CACNA1B: variants seen among roughly 807,000 people sequenced by gnomAD.
CACNA1B encodes voltage-dependent N-type calcium channel subunit alpha-1B.
In CACNA1B, 70 loss-of-function variants were observed where a neutral mutation model predicts 247.2. The ratio of observed to expected loss-of-function variants is 0.28; its 90% CI spans 0.23 to 0.35. The LOEUF (loss-of-function observed/expected upper bound fraction) is 0.35. Ranked by LOEUF, CACNA1B falls within the 10% of genes least tolerant of loss-of-function variation. The pLI, the probability that CACNA1B is intolerant of heterozygous loss-of-function variation, is 1.00. For missense variants in CACNA1B, 2,367 were observed against 3,197.4 expected, an observed-to-expected ratio of 0.74 and a Z score of 6.26; for synonymous variants, 1,231 against 1,294.4, an observed-to-expected ratio of 0.95 and a Z score of 1.05.
At chr9:137,963,532 G>T (rs1177140765) in intron 10 of CACNA1B, among the ~76,000 whole-genome samples, 1 of 152,150 alleles carries the variant, frequency 6.6e-6, no homozygotes, top group Non-Finnish European at 1.5e-5. Flanking sequence ...GTATCTCTGG[G>T]ACTACAGGCA....
At chr9:138,118,945 G>A (rs771329557) in intron 44 of CACNA1B, among the ~76,000 whole-genome samples, 177 bp downstream of exon 44, 7 of 152,074 alleles carry the variant, frequency 4.6e-5, no homozygotes, top group Non-Finnish European at 7.4e-5. Flanking sequence ...TCTGGGCGCC[G>A]ACAGAGGTGC....
At chr9:137,885,744 C>T (rs368223497) in intron 3 of CACNA1B, among the ~76,000 whole-genome samples, 1,289 of 122,822 alleles carry the variant, frequency 0.01, 25 homozygotes, top group African/African-American at 0.037. Context: ...TGTTAGCCTG[C>T]GTGAGTGCGT....
chr9:137,949,259 GC>G (rs1204179659), intron 6 of CACNA1B, among the ~76,000 whole-genome samples: 661 of 105,486 alleles, frequency 6.3e-3, no homozygotes, highest in South Asian at 9.7e-3. Flanking sequence ...GGTGTGTGGT[GC>G]GTGTGTGTGT....
chr9:138,000,244 G>A (rs866526916), intron 15 of CACNA1B, among the ~76,000 whole-genome samples: 509 of 151,284 alleles, frequency 3.4e-3, no homozygotes, highest in Admixed American at 5.1e-3. Flanking sequence ...GACTACAGGC[G>A]CCCGCCACTA....
At chr9:138,006,042 C>CAAAA (rs11288171) in intron 15 of CACNA1B, among the ~76,000 whole-genome samples, 1 of 67,776 alleles carries the variant, frequency 1.5e-5, no homozygotes. Context: ...GACTCCATGT[C>CAAAA]AAAAAAAAAA....
chr9:137,900,288 G>A (rs953516795), intron 3 of CACNA1B, among the ~76,000 whole-genome samples: 2 of 152,174 alleles, frequency 1.3e-5, no homozygotes, highest in Non-Finnish European at 2.9e-5. Flanking sequence ...TTGGGTTAGG[G>A]TTAGGGGGCC....
chr9:137,952,426 T>C lies in CACNA1B; in HGVS notation c.1070+49T>C, dbSNP rs760969826. Reference sequence around the variant, plus strand: ...GCAGGTGCCCCTCTGTGTTCTCAGCTGAGGGGTCAACAGGGGCACGTGTGA... The same window carrying C: ...GCAGGTGCCCCTCTGTGTTCTCAGCCGAGGGGTCAACAGGGGCACGTGTGA... On this transcript the variant is annotated intron_variant, in intron 7 of 46. Coordinates refer to ENST00000371372, the MANE Select transcript of CACNA1B (RefSeq NM_000718.4). The surrounding 1 kb of genome is among the most constrained non-coding windows in gnomAD (Gnocchi z 4.8). 2.1e-5 allele frequency: 31 copies of C among 1,486,104 alleles called. No individual in the cohort carries two copies. The South Asian group carries it at 3.4e-4, about 16-fold the overall frequency. 92.1% of individuals were successfully genotyped at this position (1,486,104 alleles called of 1,614,324 possible). A position where few individuals can be genotyped will look rare whatever the true frequency, so the allele number is the denominator to read the frequency against.
At position 138,121,469 on chromosome 9, in the gene CACNA1B, G is replaced by C. The variant is rs368727425; in HGVS notation, c.6490G>C (p.Gly2164Arg). Residue 2164 changes from glycine (G) to arginine (R), a missense_variant and splice_region_variant, in exon 47 of 47, where the codon GGC becomes CGC. Around this residue, in one of 12 missense-constraint regions of CACNA1B, gnomAD observed 773 missense variants for 779.4 expected, o/e 0.99. Coordinates refer to ENST00000371372, the MANE Select transcript of CACNA1B (RefSeq NM_000718.4). The surrounding 1 kb of genome is among the most constrained non-coding windows in gnomAD (Gnocchi z 6.8). Reference protein sequence around the residue: ...AGQEPGPHPQGSGSVNGSPLL... With the variant: ...AGQEPGPHPQRSGSVNGSPLL... ...TTTGTTCTGGTCCATTTTCATGTAG[G>C]GCAGTGGTTCCGTGAATGGGAGCCC... is the stretch of plus-strand genomic sequence containing the variant. The C allele has an allele frequency of 5.3e-6, 8 of 1,508,852 alleles. No homozygotes were observed. In the African/African-American group the frequency reaches 1.1e-4, roughly 21 times the overall value. 93.5% of individuals were successfully genotyped at this position (1,508,852 alleles called of 1,614,324 possible).
Position 138,105,817 on chromosome 9 carries a change from G to T in CACNA1B, c.5428+10G>T. ...ATCAAGCTGGCCCCAGGTGAGCAAG[G>T]CAGCCTCGGAAGGAGGGCCCTGGAC... is the stretch of plus-strand genomic sequence containing the variant. On this transcript the variant is annotated intron_variant, in intron 39 of 46. Coordinates refer to ENST00000371372, the MANE Select transcript of CACNA1B (RefSeq NM_000718.4). 3 of 1,482,992 alleles carry T rather than the reference G, an allele frequency of 2.0e-6. No individual in the cohort carries two copies. The highest frequency in any genetic ancestry group is 2.8e-5 in the African/African-American group (2 of 71,806). 91.9% of individuals were successfully genotyped at this position (1,482,992 alleles called of 1,614,324 possible).
At chr9:138,104,176 C>A (rs1961346862) in intron 38 of CACNA1B, among the ~76,000 whole-genome samples, 1 of 152,222 alleles carries the variant, frequency 6.6e-6, no homozygotes. Flanking sequence ...ATGCCCAGAG[C>A]ACTGCACCTT....
Position 138,058,910 on chromosome 9 carries a change from C to T in CACNA1B, c.4474-169C>T, listed in dbSNP as rs1381284856. ...CCTGTTTCCCTTTGTTGTCTGTGGG[C>T]TGGGACAGTGGGGAGGTTCTGGGAG... On this transcript the variant is annotated intron_variant, in intron 29 of 46. Transcript: ENST00000371372. This position sits in a 1 kb window ranked among gnomAD's most constrained non-coding sequence, Gnocchi z 4.7. Among the ~76,000 whole-genome samples the T allele has an allele frequency of 6.6e-6, 1 of 152,130 alleles. No individual in the cohort carries two copies. Among genetic ancestry groups the T allele is most frequent in the Non-Finnish European group, 1.5e-5 (1 of 68,022 alleles).
At position 137,919,840 on chromosome 9, in the gene CACNA1B, G is replaced by T. The variant is rs779629162; in HGVS notation, c.966+2409G>T. Among the ~76,000 whole-genome samples the T allele has an allele frequency of 6.6e-6, 1 of 152,204 alleles. No individual in the cohort carries two copies. Among genetic ancestry groups the T allele is most frequent in the Admixed American group, 6.5e-5 (1 of 15,286 alleles). On this transcript the variant is annotated intron_variant, in intron 6 of 46. Transcript: ENST00000371372. This position sits in a 1 kb window ranked among gnomAD's most constrained non-coding sequence, Gnocchi z 4.6. The stretch of plus-strand genomic sequence containing the variant: ...TGCTGAAAAGCTGGTGGCAGCGGGT[G>T]GGGCAGCGTGGGGGCACTCCAGCTT...
At position 138,013,770 on chromosome 9, in the gene CACNA1B, A is replaced by C. The variant is rs537519282; in HGVS notation, c.2267+535A>C. On this transcript the variant is annotated intron_variant, in intron 18 of 46. Coordinates refer to ENST00000371372, the MANE Select transcript of CACNA1B (RefSeq NM_000718.4). ...TATTTGGAGGTGTTAGGGGCTTTAG[A>C]GTTTGGGCAAAGTGTCCAGCCCAGG... Among the ~76,000 whole-genome samples, 3 of 152,314 alleles carry C rather than the reference A, an allele frequency of 2.0e-5. No homozygotes were observed. In the East Asian group the frequency reaches 5.8e-4, roughly 29 times the overall value.
intron 6 of CACNA1B, among the ~76,000 whole-genome samples, chr9:137,923,095 G>A (rs185407077): frequency 6.6e-6 from 1 of 152,364 alleles, no homozygotes; most frequent in African/African-American, 2.4e-5. Flanking sequence ...GGTTCACCCA[G>A]GTGTTGGTAG....
intron 15 of CACNA1B, among the ~76,000 whole-genome samples, chr9:137,991,540 T>C (rs1958431629): frequency 6.6e-6 from 1 of 152,202 alleles, no homozygotes; most frequent in Admixed American, 6.5e-5. Context: ...TTGCTAGAGA[T>C]CTAGACATCC....
At chr9:137,944,483 T>C (rs1564200728) in intron 6 of CACNA1B, among the ~76,000 whole-genome samples, 1 of 152,186 alleles carries the variant, frequency 6.6e-6, no homozygotes, top group African/African-American at 2.4e-5. Flanking sequence ...ATGGAGATTA[T>C]GTCTGGGCCT....
intron 3 of CACNA1B, chr9:137,890,254 C>T (rs1219699200): frequency 6.7e-6 from 1 of 149,680 alleles, no homozygotes; most frequent in East Asian, 1.9e-4. Flanking sequence ...GAGGGTTGGC[C>T]TCTCTGCGGA....
intron 11 of CACNA1B, 102 bp from the exon 12 acceptor site, chr9:137,975,805 C>G: frequency 1.4e-6 from 1 of 740,340 alleles, no homozygotes; most frequent in Non-Finnish European, 2.4e-6. Context: ...CTGGAAGGCT[C>G]AGCCCTGGGA....
rs72769060 is a variant in CACNA1B at position 137,975,542 on chromosome 9, G to A, written c.1544-365G>A. Among the ~76,000 whole-genome samples, 491 of 152,320 alleles carry A rather than the reference G, an allele frequency of 3.2e-3. 5 individuals carry two copies. Among genetic ancestry groups the A allele is most frequent in the Non-Finnish European group, 4.4e-3 (296 of 68,012 alleles). On this transcript the variant is annotated intron_variant, in intron 11 of 46. Transcript: ENST00000371372. ...GGAAGCTGTAGCTGGGCCTCTCCTT[G>A]GGGTAAATGGGGCCCTTTGCCTCAT... is the stretch of plus-strand genomic sequence containing the variant.
Sources: gnomAD v4.1 joint callset for allele counts (sites outside exome capture counted in the v4.1 genomes callset) on GRCh38, gnomAD v4.1.1 for gene constraint, gnomAD v4.1.1 regional missense constraint, Gnocchi (gnomAD v3.1) non-coding constraint, MANE v1.5 for transcripts, NCBI Gene and HGNC (gene_info 2026-07-23, HGNC 2026-07-21) for gene names.